The following ADAMTSL1 variants were observed in gnomAD, a reference collection of about 807,000 sequenced individuals.
ADAMTSL1 encodes ADAMTS-like protein 1.
In ADAMTSL1, 126 loss-of-function variants were observed where a neutral mutation model predicts 201.8. That is an observed-to-expected ratio of 0.62 (90% CI 0.54 to 0.72). The LOEUF (loss-of-function observed/expected upper bound fraction) is 0.72, where lower values mean the gene tolerates loss of function less well. Among genes scored for constraint, ADAMTSL1 ranks in the 30% least tolerant of loss-of-function variants. The probability of loss-of-function intolerance (pLI) is 0.00; values close to 1 mark genes in which losing one functional copy is unlikely to be tolerated. For missense variants in ADAMTSL1, 2,679 were observed against 2,277.8 expected (o/e 1.18, Z -3.59); for synonymous variants, 1,121 against 903.4 (o/e 1.24, Z -4.32).
chr9:18,062,822 T>C (rs1822519453), intron 1 of ADAMTSL1, among the ~76,000 whole-genome samples: 1 of 152,210 alleles, frequency 6.6e-6, no homozygotes. Flanking sequence ...CTCTGATTTA[T>C]GGTTGGCTAC....
intron 2 of ADAMTSL1, among the ~76,000 whole-genome samples, chr9:18,401,775 G>T (rs866913998): frequency 6.6e-6 from 1 of 152,040 alleles, no homozygotes; most frequent in African/African-American, 2.4e-5. Flanking sequence ...ACCACTTTGG[G>T]AATATGTGTT....
At chr9:18,197,887 A>G (rs528789205) in intron 2 of ADAMTSL1, among the ~76,000 whole-genome samples, 31 of 152,186 alleles carry the variant, frequency 2.0e-4, no homozygotes, top group Admixed American at 3.3e-4. Context: ...CGAAGACAGC[A>G]TGGTACTGGT....
intron 7 of ADAMTSL1, among the ~76,000 whole-genome samples, chr9:18,644,532 C>T (rs13283440): frequency 1.3e-5 from 2 of 151,212 alleles, no homozygotes; most frequent in Non-Finnish European, 2.9e-5. Flanking sequence ...TGCTATCCCT[C>T]CCCCCTACCC....
intron 1 of ADAMTSL1, among the ~76,000 whole-genome samples, chr9:17,945,616 C>G (rs1323531939): frequency 1.3e-5 from 2 of 152,146 alleles, no homozygotes; most frequent in African/African-American, 4.8e-5. Context: ...CACATATACA[C>G]CATGGAATAC....
chr9:18,719,669 GTTCTTTTTTTTAAAAA>G (rs1213408703), intron 14 of ADAMTSL1, among the ~76,000 whole-genome samples: 1 of 152,154 alleles, frequency 6.6e-6, no homozygotes, highest in Non-Finnish European at 1.5e-5. Flanking sequence ...TGGCTTTGTG[GTTCTTTTTTTTAAAAA>G]ATGTTTAATT....
intron 2 of ADAMTSL1, among the ~76,000 whole-genome samples, chr9:18,199,247 C>G (rs1046780876): frequency 6.6e-6 from 1 of 151,926 alleles, no homozygotes; most frequent in African/African-American, 2.4e-5. Context: ...TACCCTAAAA[C>G]TTAAAGTGTA....
At chr9:18,295,335 C>A (rs1016376754) in intron 2 of ADAMTSL1, among the ~76,000 whole-genome samples, 2 of 150,730 alleles carry the variant, frequency 1.3e-5, no homozygotes, top group Non-Finnish European at 3.0e-5. Context: ...TTGACTGCAA[C>A]CGTTATTCAT....
At chr9:18,857,577 C>T (rs543830546) in intron 23 of ADAMTSL1, among the ~76,000 whole-genome samples, 1 of 152,166 alleles carries the variant, frequency 6.6e-6, no homozygotes. Flanking sequence ...ATTATGATTT[C>T]CTTTATACCA....
chr9:18,130,843 A>G (rs1036040543), intron 1 of ADAMTSL1, among the ~76,000 whole-genome samples: 2 of 152,156 alleles, frequency 1.3e-5, no homozygotes, highest in African/African-American at 4.8e-5. Context: ...CACAGCACAA[A>G]AACAGGGCAG....
At chr9:18,828,660 T>TATATATATATA (rs1554643932) in intron 22 of ADAMTSL1, among the ~76,000 whole-genome samples, 91 of 28,470 alleles carry the variant, frequency 3.2e-3, no homozygotes, top group Non-Finnish European at 5.2e-3. Context: ...GAAAGTATAT[T>TATATATATATA]TATATATATA....
chr9:18,450,269 C>A (rs1299680752), intron 2 of ADAMTSL1, among the ~76,000 whole-genome samples: 1 of 152,070 alleles, frequency 6.6e-6, no homozygotes, highest in Non-Finnish European at 1.5e-5. Context: ...ATCTTGATTG[C>A]TGTGGTCGTT....
At chr9:18,060,750 C>T (rs188254754) in intron 1 of ADAMTSL1, among the ~76,000 whole-genome samples, 57 of 152,286 alleles carry the variant, frequency 3.7e-4, no homozygotes, top group Admixed American at 3.2e-3. Flanking sequence ...TTCTCAGGTT[C>T]TCTGTTTTTA....
intron 2 of ADAMTSL1, among the ~76,000 whole-genome samples, chr9:18,293,509 C>T (rs771729809): frequency 6.6e-6 from 1 of 152,200 alleles, no homozygotes; most frequent in Non-Finnish European, 1.5e-5. Context: ...GCTGGTAGCA[C>T]AGGCCCTGGG....
intron 2 of ADAMTSL1, among the ~76,000 whole-genome samples, chr9:18,396,457 T>G (rs899840728): frequency 2.0e-5 from 3 of 149,056 alleles, no homozygotes; most frequent in African/African-American, 7.3e-5. Context: ...TAAATAATAA[T>G]TTAATATTAA....
intron 1 of ADAMTSL1, among the ~76,000 whole-genome samples, 175 bp downstream of exon 1, chr9:18,474,470 A>G (rs1182554366): frequency 1.1e-4 from 16 of 152,102 alleles, no homozygotes; most frequent in African/African-American, 3.9e-4. Flanking sequence ...TTTAACCTCA[A>G]CTTCCCAAGC....
At chr9:18,012,647 C>G (rs560833592) in intron 1 of ADAMTSL1, among the ~76,000 whole-genome samples, 3 of 152,104 alleles carry the variant, frequency 2.0e-5, no homozygotes, top group African/African-American at 7.2e-5. Context: ...CACCCTGGAG[C>G]CCTCAGAAAT....
At chr9:18,451,054 A>C (rs927757959) in intron 2 of ADAMTSL1, among the ~76,000 whole-genome samples, 1 of 152,246 alleles carries the variant, frequency 6.6e-6, no homozygotes, top group East Asian at 1.9e-4. Flanking sequence ...GGTAAGTTTC[A>C]GGTACTTTTG....
chr9:18,145,329 T>C (rs1461694287), intron 1 of ADAMTSL1, among the ~76,000 whole-genome samples: 1 of 152,216 alleles, frequency 6.6e-6, no homozygotes, highest in Admixed American at 6.5e-5. Context: ...AGGAGCTTAT[T>C]TGGTAACTAT....
chr9:18,044,852 C>T (rs1031366951), intron 1 of ADAMTSL1, among the ~76,000 whole-genome samples: 1 of 152,104 alleles, frequency 6.6e-6, no homozygotes, highest in Non-Finnish European at 1.5e-5. Flanking sequence ...CTTTTCTCTG[C>T]GAAGTATGGC....
Sources: allele counts gnomAD v4.1 joint callset (sites outside exome capture counted in the v4.1 genomes callset), GRCh38; gene constraint gnomAD v4.1.1; transcripts MANE v1.5; gene names NCBI Gene and HGNC (gene_info 2026-07-23, HGNC 2026-07-21).